Variants in PSG5 observed in about 807,000 individuals in gnomAD.
The protein encoded by PSG5 is pregnancy-specific beta-1-glycoprotein 5.
A neutral mutation model predicts 37.7 loss-of-function variants in PSG5; 53 were observed. The observed-to-expected ratio is 1.41, with a 90% CI of 1.13 to 1.77. The LOEUF (loss-of-function observed/expected upper bound fraction) is 1.77. Ranked by LOEUF, PSG5 falls within the 40% of genes most tolerant of loss-of-function variation. PSG5 has a pLI of 0.00. For missense variants in PSG5, 547 were observed against 405.2 expected (o/e 1.35, Z -3.00); for synonymous variants, 221 against 155.4 (o/e 1.42, Z -3.14).
chr19:43,173,172 G>A (rs990440650), intron 4 of PSG5, among the ~76,000 whole-genome samples: 1 of 151,516 alleles, frequency 6.6e-6, no homozygotes, highest in Admixed American at 6.6e-5. Context: ...GATATCCAAG[G>A]GCAAGAGAGT....
chr19:43,181,618 C>G (rs1180446240), intron 2 of PSG5, among the ~76,000 whole-genome samples: 1 of 151,658 alleles, frequency 6.6e-6, no homozygotes, highest in Admixed American at 6.6e-5. Flanking sequence ...GCCACCACGC[C>G]CAGCTAATTT....
At position 43,184,214 on chromosome 19, in the gene PSG5, C is replaced by G. The variant is rs1969193789; in HGVS notation, c.430+568G>C. On this transcript the variant is annotated intron_variant, in intron 2 of 5. Coordinates refer to ENST00000342951, the MANE Select transcript of PSG5 (RefSeq NM_002781.4). ...GAGTGTCAGGTGAAGAAAGCTCTGT[C>G]TTTGCCCAGATGAGGCTCTGAGGGC... Among the ~76,000 whole-genome samples, 3 of 151,748 alleles carry G rather than the reference C, an allele frequency of 2.0e-5. 1 individual carries two copies. The highest frequency in any genetic ancestry group is 1.3e-4 in the Admixed American group (2 of 15,204).
Position 43,172,152 on chromosome 19 carries a change from A to C in PSG5, c.965-2014T>G, listed in dbSNP as rs993746247. On this transcript the variant is annotated intron_variant, in intron 4 of 5. Transcript: ENST00000342951. ...CACACAAAAATATGAATAGAACTAT[A>C]ATCAGTAATAAGATTGAATCAATAA... Among the ~76,000 whole-genome samples, 14 of 151,668 alleles carry C rather than the reference A, an allele frequency of 9.2e-5. 2 individuals are homozygous for C. The highest frequency in any genetic ancestry group is 3.2e-4 in the African/African-American group (13 of 41,256).
At chr19:43,176,203 A>G (rs1194722322) in intron 2 of PSG5, 55 bp from the exon 3 acceptor site, 2 of 1,591,342 alleles carry the variant, frequency 1.3e-6, no homozygotes, top group Non-Finnish European at 1.7e-6. Context: ...ATTCCTCCAC[A>G]GGCATCCTTC....
intron 1 of PSG5, 21 bp from the exon 2 acceptor site, chr19:43,185,168 C>T (rs1435072949): frequency 1.3e-6 from 2 of 1,581,876 alleles, no homozygotes; most frequent in South Asian, 2.4e-5. Flanking sequence ...GAGAAAGCAC[C>T]AGTCAATATT....
intron 2 of PSG5, chr19:43,178,830 G>T (rs750356079): frequency 4.3e-6 from 7 of 1,611,954 alleles, no homozygotes; most frequent in Non-Finnish European, 5.1e-6. Flanking sequence ...CTCTGGCCAT[G>T]TGTATTTGGG....
At chr19:43,179,163 C>T in intron 2 of PSG5, 2 of 1,584,036 alleles carry the variant, frequency 1.3e-6, no homozygotes, top group Non-Finnish European at 8.7e-7. Context: ...TTCCACTTTG[C>T]AGAAAACAGA....
In PSG5 at chr19:43,180,212, A is replaced by T. The variant is rs1249989668; in HGVS notation, c.431-4064T>A. Reference sequence around the variant, plus strand: ...TTGCAGGAGCTGGGATCAGGGGAATAGGGTGTTGTTCCATGGGTGTGCGGT... The same window carrying T: ...TTGCAGGAGCTGGGATCAGGGGAATTGGGTGTTGTTCCATGGGTGTGCGGT... On this transcript the variant is annotated intron_variant, in intron 2 of 5. Coordinates refer to ENST00000342951, the MANE Select transcript of PSG5 (RefSeq NM_002781.4). The T allele has an allele frequency of 2.6e-5, 4 of 151,612 alleles. 1 individual carries two copies. Among genetic ancestry groups the T allele is most frequent in the African/African-American group, 9.7e-5 (4 of 41,112 alleles). The allele number at this position is 151,612 out of a possible 1,614,324, so 9.4% of individuals were successfully genotyped here.
rs146058317 is a variant in PSG5, at chr19:43,182,486, C to T, written c.430+2296G>A. 6.7e-3 allele frequency among the ~76,000 whole-genome samples: 1,012 copies of T among 151,444 alleles called. 38 individuals carry two copies. The highest frequency in any genetic ancestry group is 0.023 in the African/African-American group (947 of 41,134). On this transcript the variant is annotated intron_variant, in intron 2 of 5. Coordinates refer to ENST00000342951, the MANE Select transcript of PSG5 (RefSeq NM_002781.4). The stretch of plus-strand genomic sequence containing the variant: ...TGTGGTCCCTACCTGGAGGCAGATT[C>T]GAGCACAAACAGATCATTTCCCTCT...
chr19:43,185,553 C>A lies in PSG5; in HGVS notation c.65-406G>T, dbSNP rs148076007. ...CTGACCTTTCCCTGCTCTGCTCCCT[C>A]CAGGGTTCTTGTCAACACCTGACCT... On this transcript the variant is annotated intron_variant, in intron 1 of 5. Transcript: ENST00000342951. Among the ~76,000 whole-genome samples, 599 of 151,128 alleles carry A rather than the reference C, an allele frequency of 4.0e-3. 13 individuals are homozygous for A. The highest frequency in any genetic ancestry group is 0.014 in the African/African-American group (577 of 40,954).
rs1440339416 is a variant in PSG5 at position 43,181,820 on chromosome 19, C to T, written c.430+2962G>A. 4.6e-5 allele frequency among the ~76,000 whole-genome samples: 7 copies of T among 151,714 alleles called. 1 individual carries two copies. The highest frequency in any genetic ancestry group is 2.1e-4 in the South Asian group (1 of 4,812). On this transcript the variant is annotated intron_variant, in intron 2 of 5. Coordinates refer to ENST00000342951, the MANE Select transcript of PSG5 (RefSeq NM_002781.4). ...TCAACTTTTTACTTACTGTTAGAAC[C>T]GAGTGACAAATTTCAAGCTTGTTAT...
intron 3 of PSG5, 170 bp downstream of exon 3, chr19:43,175,700 G>T (rs1968993718): frequency 7.0e-7 from 1 of 1,431,008 alleles, no homozygotes; most frequent in African/African-American, 1.4e-5. Flanking sequence ...TATATTCCTG[G>T]TTAAGGCTGT....
At position 43,185,186 on chromosome 19, in the gene PSG5, G is replaced by A. The variant is rs776784617; in HGVS notation, c.65-39C>T. The A allele has an allele frequency of 1.3e-5, 20 of 1,547,748 alleles. 1 individual carries two copies. The highest frequency in any genetic ancestry group is 1.7e-4 in the Middle Eastern group (1 of 5,744). On this transcript the variant is annotated intron_variant, in intron 1 of 5. Transcript: ENST00000342951. ...AAAGCACCAGTCAATATTGAGACCT[G>A]TGTATTGGGGTGAAAAGATGGAGCC...
chr19:43,186,277 C>T (rs575001907), intron 1 of PSG5, 65 bp downstream of exon 1: 12 of 1,607,864 alleles, frequency 7.5e-6, no homozygotes, highest in African/African-American at 1.3e-5. Context: ...CCATCCTCTC[C>T]AGGAGACCCA....
At chr19:43,174,652 G>A (rs377352148) in intron 4 of PSG5, 11 of 982,162 alleles carry the variant, frequency 1.1e-5, no homozygotes, top group Non-Finnish European at 1.3e-5. Flanking sequence ...ATTCAGGACA[G>A]GCCACCAGGA....
intron 3 of PSG5, 46 bp downstream of exon 3, chr19:43,175,824 G>T: frequency 6.2e-7 from 1 of 1,607,322 alleles, no homozygotes; most frequent in Non-Finnish European, 8.5e-7. Context: ...TGGTCATTTA[G>T]ATTTAAGCTG....
At chr19:43,168,375 A>G (rs565225677) in intron 5 of PSG5, among the ~76,000 whole-genome samples, 172 bp from the exon 6 acceptor site, 1 of 150,032 alleles carries the variant, frequency 6.7e-6, no homozygotes, top group Non-Finnish European at 1.5e-5. Context: ...ATTTAAAAAA[A>G]TTTTTTTTTT....
chr19:43,170,327 A>G (rs1227912850), intron 4 of PSG5, 189 bp from the exon 5 acceptor site: 4 of 692,138 alleles, frequency 5.8e-6, no homozygotes, highest in Non-Finnish European at 8.6e-6. Context: ...CCATGTTTCT[A>G]GGATGGTGAT....
intron 2 of PSG5, chr19:43,179,238 T>G (rs1295973747): frequency 1.4e-6 from 2 of 1,428,634 alleles, no homozygotes; most frequent in Non-Finnish European, 1.9e-6. Context: ...GAGTTGGCAT[T>G]TCCCACCTGT....
Sources: allele counts gnomAD v4.1 joint callset (sites outside exome capture counted in the v4.1 genomes callset), GRCh38; gene constraint gnomAD v4.1.1; transcripts MANE v1.5; gene names NCBI Gene and HGNC (gene_info 2026-07-23, HGNC 2026-07-21).